The following G6PC1 variants were observed in gnomAD, a reference collection of about 807,000 sequenced individuals.
The protein encoded by G6PC1 is G-6-Pase.
Under a neutral mutation model 30.4 loss-of-function variants are expected in G6PC1, and 23 were observed. The observed-to-expected ratio is 0.76, with a 90% CI of 0.55 to 1.07. The LOEUF is 1.07. G6PC1 is among the 50% of genes least tolerant of loss of function. The pLI is 0.00. For missense variants in G6PC1, 391 were observed against 433.9 expected (o/e 0.90, Z 0.88); for synonymous variants, 163 against 175.6 (o/e 0.93, Z 0.57).
intron 1 of G6PC1, among the ~76,000 whole-genome samples, chr17:42,902,745 T>C (rs895947039): frequency 2.6e-5 from 4 of 152,162 alleles, no homozygotes; most frequent in African/African-American, 9.7e-5. Flanking sequence ...CAGTGAAAGA[T>C]ATATCTAGTA....
intron 2 of G6PC1, among the ~76,000 whole-genome samples, chr17:42,904,506 C>A (rs1221543054): frequency 6.6e-6 from 1 of 152,172 alleles, no homozygotes; most frequent in African/African-American, 2.4e-5. Flanking sequence ...GGAAGCCCCT[C>A]CCTCACCCTA....
At chr17:42,903,540 C>T (rs150852617) in intron 1 of G6PC1, among the ~76,000 whole-genome samples, 102 of 151,820 alleles carry the variant, frequency 6.7e-4, no homozygotes, top group Middle Eastern at 3.4e-3. Context: ...ATGGTGAAAC[C>T]CCGTCTCTAC....
intron 3 of G6PC1, 88 bp downstream of exon 3, chr17:42,907,716 C>A (rs1377545803): frequency 3.3e-6 from 3 of 908,404 alleles, no homozygotes; most frequent in Admixed American, 1.9e-5. Context: ...TCCTCACATC[C>A]CCCTAGCCCG....
intron 2 of G6PC1, among the ~76,000 whole-genome samples, chr17:42,905,468 ACACACAC>A (rs2056055292): frequency 6.9e-6 from 1 of 145,400 alleles, no homozygotes; most frequent in African/African-American, 2.5e-5. Flanking sequence ...ACACACACAC[ACACACAC>A]ATATAATACT....
chr17:42,911,127 G>T lies in G6PC1; in HGVS notation c.775G>T (p.Ala259Ser). ...GGTCCACATTGACACCACACCCTTT[G>T]CCAGCCTCCTCAAGAACCTGGGCAC... Reference protein sequence around the residue: ...EWVHIDTTPFASLLKNLGTLF... With the variant: ...EWVHIDTTPFSSLLKNLGTLF... The change falls in exon 5 of 5, where the codon GCC becomes TCC. Residue 259 changes from alanine to serine, a missense_variant. Ala to Ser is a moderately conservative substitution (Grantham distance 99). Coordinates refer to ENST00000253801, the MANE Select transcript of G6PC1 (RefSeq NM_000151.4). 3 of 1,614,122 alleles carry T rather than the reference G, an allele frequency of 1.9e-6. No homozygotes were observed. Among genetic ancestry groups the T allele is most frequent in the Non-Finnish European group, 8.5e-7 (1 of 1,180,004 alleles).
Position 42,912,970 on chromosome 17 carries a change from TTTTTAGAA to T in G6PC1, c.*1553_*1560del, listed in dbSNP as rs397717945. 107,922 of 150,894 alleles carry T rather than the reference TTTTTAGAA, an allele frequency of 0.72. 39,077 individuals are homozygous for T. Among genetic ancestry groups the T allele is most frequent in the Non-Finnish European group, 0.77 (52,052 of 67,622 alleles). The allele number at this position is 150,894 out of a possible 1,614,324, so 9.3% of individuals were successfully genotyped here. On this transcript the variant is annotated 3_prime_UTR_variant, in exon 5 of 5. Transcript: ENST00000253801. ...CCACCATGCCAGGCTAATTTTTATA[TTTTTAGAA>T]TTTTAGAAGAGATGGGATTTCATCA...
chr17:42,904,427 C>A (rs556892431), intron 2 of G6PC1, among the ~76,000 whole-genome samples: 1 of 152,124 alleles, frequency 6.6e-6, no homozygotes, highest in Admixed American at 6.5e-5. Context: ...TCTGTGCCTA[C>A]GTTTTATTAG....
At chr17:42,910,106 C>CT (rs1054562941) in intron 4 of G6PC1, among the ~76,000 whole-genome samples, 6 of 152,158 alleles carry the variant, frequency 3.9e-5, no homozygotes, top group African/African-American at 1.4e-4. Context: ...CCGCCTCGGC[C>CT]TCCCAAAGCG....
intron 2 of G6PC1, among the ~76,000 whole-genome samples, chr17:42,905,730 C>G (rs888578822): frequency 6.6e-6 from 1 of 151,866 alleles, no homozygotes. Flanking sequence ...ATCTCTGCTC[C>G]TTAGGTAGAG....
At chr17:42,905,443 T>TATAC (rs1223207559) in intron 2 of G6PC1, among the ~76,000 whole-genome samples, 11 of 87,926 alleles carry the variant, frequency 1.3e-4, no homozygotes, top group African/African-American at 2.8e-4. Context: ...TATATATATA[T>TATAC]ACACACACAC....
chr17:42,906,337 C>T (rs2056062200), intron 2 of G6PC1, among the ~76,000 whole-genome samples: 1 of 152,116 alleles, frequency 6.6e-6, no homozygotes, highest in South Asian at 2.1e-4. Flanking sequence ...ACAGCGAGCT[C>T]TGAAGCTGGG....
In G6PC1 at chr17:42,912,646, T is replaced by TG. The variant is rs1033442792; in HGVS notation, c.*1220_*1221insG. The stretch of plus-strand genomic sequence containing the variant: ...AAGTCAACATCTTCTCTCTTTTTTT[T>TG]TTTTTTTGAGACAGGGTCTCACTAT... On this transcript the variant is annotated 3_prime_UTR_variant, in exon 5 of 5. Coordinates refer to ENST00000253801, the MANE Select transcript of G6PC1 (RefSeq NM_000151.4). 1 of 151,552 alleles carries TG rather than the reference T, an allele frequency of 6.6e-6. No individual in the cohort carries two copies. Among genetic ancestry groups the TG allele is most frequent in the African/African-American group, 2.4e-5 (1 of 41,194 alleles). 9.4% of individuals were successfully genotyped at this position (151,552 alleles called of 1,614,324 possible). A position where few individuals can be genotyped will look rare whatever the true frequency, so the allele number is the denominator to read the frequency against.
At position 42,912,125 on chromosome 17, in the gene G6PC1, C is replaced by T. The variant is rs2056100240; in HGVS notation, c.*699C>T. Reference sequence around the variant, plus strand: ...TGTGGCGTATCATGCAAGTGCTATGCCAAGCCATGTCTAAATGGCTTTAAT... The same window carrying T: ...TGTGGCGTATCATGCAAGTGCTATGTCAAGCCATGTCTAAATGGCTTTAAT... On this transcript the variant is annotated 3_prime_UTR_variant, in exon 5 of 5. Coordinates refer to ENST00000253801, the MANE Select transcript of G6PC1 (RefSeq NM_000151.4). 1 of 153,356 alleles carries T rather than the reference C, an allele frequency of 6.5e-6. No individual in the cohort carries two copies. The highest frequency in any genetic ancestry group is 1.5e-5 in the Non-Finnish European group (1 of 68,918). 9.5% of individuals were successfully genotyped at this position (153,356 alleles called of 1,614,324 possible). A position where few individuals can be genotyped will look rare whatever the true frequency, so the allele number is the denominator to read the frequency against.
chr17:42,904,264 C>A, intron 2 of G6PC1: 1 of 520,488 alleles, frequency 1.9e-6, no homozygotes, highest in Non-Finnish European at 3.6e-6. Context: ...GAGGCACGGG[C>A]ATCCATGGGC....
Position 42,911,593 on chromosome 17 carries a change from C to A in G6PC1, c.*167C>A. On this transcript the variant is annotated 3_prime_UTR_variant, in exon 5 of 5. Coordinates refer to ENST00000253801, the MANE Select transcript of G6PC1 (RefSeq NM_000151.4). ...AGATTGGAGGGTCGCCTGGCTTATT[C>A]CCATGTGTGACTCCAGCCTGCCCTC... 1.0e-6 allele frequency: 1 copy of A among 974,888 alleles called. No individual in the cohort carries two copies. Among genetic ancestry groups the A allele is most frequent in the Non-Finnish European group, 1.5e-6 (1 of 647,322 alleles). 60.4% of individuals were successfully genotyped at this position (974,888 alleles called of 1,614,324 possible).
intron 1 of G6PC1, among the ~76,000 whole-genome samples, chr17:42,901,351 C>T (rs1469557567): frequency 6.6e-6 from 1 of 152,066 alleles, no homozygotes; most frequent in African/African-American, 2.4e-5. Context: ...AGTTGAATTT[C>T]GTGAAAAGTC....
intron 3 of G6PC1, among the ~76,000 whole-genome samples, chr17:42,908,276 G>T (rs1294592721): frequency 2.0e-5 from 3 of 152,050 alleles, no homozygotes; most frequent in Non-Finnish European, 4.4e-5. Context: ...CAATTGGCTT[G>T]CCTCAGCCTC....
rs979468295 is a variant in G6PC1 at position 42,909,421 on chromosome 17, A to G, written c.562+3A>G. On this transcript the variant is annotated splice_donor_region_variant and intron_variant, in intron 4 of 4. Transcript: ENST00000253801. The stretch of plus-strand genomic sequence containing the variant: ...AGTTGTTGCTGGAGTCCTGTCAGGT[A>G]TGGGCTGATCTGACTCCCTTCCTTC... The G allele has an allele frequency of 1.2e-6, 2 of 1,604,688 alleles. No homozygotes were observed. The highest frequency in any genetic ancestry group is 1.7e-6 in the Non-Finnish European group (2 of 1,171,446).
chr17:42,903,832 A>G, intron 1 of G6PC1, 99 bp from the exon 2 acceptor site: 5 of 826,346 alleles, frequency 6.1e-6, no homozygotes, highest in Non-Finnish European at 8.5e-6. Flanking sequence ...TAGAGGCAAC[A>G]TGTGAAATCC....
Sources: allele counts gnomAD v4.1 joint callset (sites outside exome capture counted in the v4.1 genomes callset), GRCh38; gene constraint gnomAD v4.1.1; transcripts MANE v1.5; gene names NCBI Gene and HGNC (gene_info 2026-07-23, HGNC 2026-07-21).